CLVS2: variants seen among roughly 807,000 people sequenced by gnomAD.
CLVS2 encodes the protein clavesin 2.
Under a neutral mutation model 29.0 loss-of-function variants are expected in CLVS2, and 19 were observed. The ratio of observed to expected loss-of-function variants is 0.66; its 90% confidence interval spans 0.46 to 0.96. The LOEUF (loss-of-function observed/expected upper bound fraction) is 0.96. Among genes scored for constraint, CLVS2 ranks in the 40% least tolerant of loss-of-function variants. The pLI, the probability that CLVS2 is intolerant of heterozygous loss-of-function variation, is 0.00. For synonymous variants in CLVS2, 161 were observed against 151.3 expected, an observed-to-expected ratio of 1.06 and a Z score of -0.47; for missense variants, 294 against 404.1, an observed-to-expected ratio of 0.73 and a Z score of 2.34.
chr6:123,066,212 T>C lies in CLVS2; in HGVS notation c.*2451T>C, dbSNP rs1273473288. 8 of 151,790 alleles carry C rather than the reference T, an allele frequency of 5.3e-5. No individual in the cohort carries two copies. The highest frequency in any genetic ancestry group is 5.3e-4 in the Admixed American group (8 of 15,184). 9.4% of individuals were successfully genotyped at this position (151,790 alleles called of 1,614,324 possible). ...CCCCTCAGCACCAGCTATCTAGCAC[T>C]GTTTAGGAATTTTTCCCTTCATGAT... On this transcript the variant is annotated 3_prime_UTR_variant, in exon 6 of 6. Coordinates refer to ENST00000275162, the MANE Select transcript of CLVS2 (RefSeq NM_001010852.4).
intron 3 of CLVS2, among the ~76,000 whole-genome samples, chr6:123,042,504 T>A (rs754546718): frequency 6.6e-6 from 1 of 152,174 alleles, no homozygotes; most frequent in Non-Finnish European, 1.5e-5. Context: ...GCTGCCTCTG[T>A]CATGTGTACA....
chr6:123,004,855 GTCAGCTGAGA>G (rs1774640949), intron 2 of CLVS2, among the ~76,000 whole-genome samples: 1 of 152,022 alleles, frequency 6.6e-6, no homozygotes, highest in Admixed American at 6.6e-5. Flanking sequence ...GGAGGTTTCA[GTCAGCTGAGA>G]TCGTGCCATT....
Position 123,056,437 on chromosome 6 carries a change from C to T in CLVS2, c.896+411C>T, listed in dbSNP as rs906257574. Reference sequence around the variant, plus strand: ...ATTCTACTATCTATTTCTATGAGTTCGACTTTTTTTAGATTCCACATATAA... The same window carrying T: ...ATTCTACTATCTATTTCTATGAGTTTGACTTTTTTTAGATTCCACATATAA... On this transcript the variant is annotated intron_variant, in intron 5 of 5. Coordinates refer to ENST00000275162, the MANE Select transcript of CLVS2 (RefSeq NM_001010852.4). Among the ~76,000 whole-genome samples the T allele has an allele frequency of 4.6e-5, 7 of 152,186 alleles. No individual in the cohort carries two copies. In the East Asian group the frequency reaches 9.7e-4, roughly 21 times the overall value.
chr6:123,055,291 A>G (rs1452550297), intron 4 of CLVS2, among the ~76,000 whole-genome samples: 1 of 143,004 alleles, frequency 7.0e-6, no homozygotes, highest in East Asian at 2.1e-4. Flanking sequence ...GCATTATAAA[A>G]CAGTAATTTA....
rs966569528 is a variant in CLVS2, at chr6:123,070,182, A to G, written c.*6421A>G. 1 of 151,978 alleles carries G rather than the reference A, an allele frequency of 6.6e-6. No homozygotes were observed. Among genetic ancestry groups the G allele is most frequent in the Admixed American group, 6.6e-5 (1 of 15,200 alleles). The allele number at this position is 151,978 out of a possible 1,614,324, so 9.4% of individuals were successfully genotyped here. ...AGCTAACAATTTTAATTGGATGGCT[A>G]ATGGATATGGCGGATTTAACATTTA... is the stretch of plus-strand genomic sequence containing the variant. On this transcript the variant is annotated 3_prime_UTR_variant, in exon 6 of 6. Transcript: ENST00000275162.
intron 3 of CLVS2, among the ~76,000 whole-genome samples, chr6:123,047,061 C>G (rs561981317): frequency 2.6e-5 from 4 of 152,012 alleles, no homozygotes; most frequent in East Asian, 3.9e-4. Context: ...GGACTGGATG[C>G]GAGACCTCAT....
chr6:123,027,434 G>A (rs116146991), intron 3 of CLVS2, among the ~76,000 whole-genome samples: 1,809 of 152,224 alleles, frequency 0.012, 49 homozygotes, highest in African/African-American at 0.04. Context: ...CAAAGGAAGG[G>A]GGAGATAGTT....
intron 3 of CLVS2, among the ~76,000 whole-genome samples, chr6:123,036,494 AG>A (rs1775155934): frequency 6.6e-6 from 1 of 152,186 alleles, no homozygotes; most frequent in African/African-American, 2.4e-5. Context: ...ACATTCATTA[AG>A]TGTTTCTGGA....
chr6:123,058,905 G>A (rs1367787426), intron 5 of CLVS2, among the ~76,000 whole-genome samples: 1 of 152,106 alleles, frequency 6.6e-6, no homozygotes, highest in African/African-American at 2.4e-5. Flanking sequence ...TGATCCACCT[G>A]CCTCAGCCTC....
chr6:123,043,658 C>T (rs531106028), intron 3 of CLVS2, among the ~76,000 whole-genome samples: 2 of 152,280 alleles, frequency 1.3e-5, no homozygotes, highest in East Asian at 3.9e-4. Context: ...GACAGTGTTA[C>T]TTGTGACCAA....
chr6:123,048,616 C>T lies in CLVS2; in HGVS notation c.565-6C>T. ...TTTGATTGTTTTTTTCTCCATGTTA[C>T]TCTAGGATAGTTTCCCAGCGCGATT... On this transcript the variant is annotated splice_region_variant and splice_polypyrimidine_tract_variant and intron_variant, in intron 3 of 5. Coordinates refer to ENST00000275162, the MANE Select transcript of CLVS2 (RefSeq NM_001010852.4). 2 of 1,597,424 alleles carry T rather than the reference C, an allele frequency of 1.3e-6. No individual in the cohort carries two copies. The highest frequency in any genetic ancestry group is 1.7e-6 in the Non-Finnish European group (2 of 1,165,170).
At chr6:123,023,877 A>G (rs1288620684) in intron 3 of CLVS2, among the ~76,000 whole-genome samples, 1 of 152,118 alleles carries the variant, frequency 6.6e-6, no homozygotes, top group Non-Finnish European at 1.5e-5. Flanking sequence ...TAATGCCTCT[A>G]CCTGGTATTG....
chr6:122,997,770 G>A lies in CLVS2; in HGVS notation c.-8G>A. 1.2e-6 allele frequency: 2 copies of A among 1,612,370 alleles called. No homozygotes were observed. Among genetic ancestry groups the A allele is most frequent in the Admixed American group, 1.7e-5 (1 of 59,984 alleles). On this transcript the variant is annotated 5_prime_UTR_variant, in exon 2 of 6. Transcript: ENST00000275162. ...CTTCTGAGGGAAAGCTCAGAGATAG[G>A]CAGAACAATGACTCATTTGCAAGCC...
chr6:123,038,092 G>A (rs1775179538), intron 3 of CLVS2, among the ~76,000 whole-genome samples: 2 of 152,194 alleles, frequency 1.3e-5, no homozygotes, highest in South Asian at 4.1e-4. Flanking sequence ...CCTAAAGGTG[G>A]CCTGATCTTT....
chr6:123,005,548 G>T (rs1027647356), intron 2 of CLVS2, among the ~76,000 whole-genome samples: 1 of 152,180 alleles, frequency 6.6e-6, no homozygotes, highest in African/African-American at 2.4e-5. Flanking sequence ...TGCTGAAAAG[G>T]TTGAAAAGTA....
At chr6:123,006,160 G>A (rs796321074) in intron 2 of CLVS2, among the ~76,000 whole-genome samples, 3 of 152,330 alleles carry the variant, frequency 2.0e-5, no homozygotes, top group African/African-American at 7.2e-5. Flanking sequence ...GGGAAAGCTG[G>A]TGGCGGGCCC....
chr6:123,047,515 GATTA>G (rs796403180), intron 3 of CLVS2, among the ~76,000 whole-genome samples: 5 of 152,168 alleles, frequency 3.3e-5, no homozygotes, highest in African/African-American at 1.2e-4. Context: ...GCAAATACTA[GATTA>G]ATTCACTACT....
At chr6:123,023,170 A>G (rs1310964259) in intron 3 of CLVS2, among the ~76,000 whole-genome samples, 4 of 152,088 alleles carry the variant, frequency 2.6e-5, no homozygotes. Flanking sequence ...CAGCAGCACC[A>G]TGGAGAGCTC....
chr6:123,057,305 T>TAATGTG (rs1772705748), intron 5 of CLVS2, among the ~76,000 whole-genome samples: 1 of 150,966 alleles, frequency 6.6e-6, no homozygotes, highest in Non-Finnish European at 1.5e-5. Flanking sequence ...ACTCATGGAG[T>TAATGTG]AATGTGCCTG....
Sources: gnomAD v4.1 joint callset for allele counts (sites outside exome capture counted in the v4.1 genomes callset) on GRCh38, gnomAD v4.1.1 for gene constraint, MANE v1.5 for transcripts, NCBI Gene and HGNC (gene_info 2026-07-23, HGNC 2026-07-21) for gene names.